The following JADE1 variants were observed in gnomAD, a reference collection of about 807,000 sequenced individuals.
JADE1 encodes the protein protein Jade-1.
A neutral mutation model predicts 81.8 loss-of-function variants in JADE1; 14 were observed. The ratio of observed to expected loss-of-function variants is 0.17; its 90% CI spans 0.11 to 0.27. JADE1 has a LOEUF of 0.27. JADE1 is among the 10% of genes least tolerant of loss of function. The pLI is 1.00. For synonymous variants in JADE1, 353 were observed against 391.9 expected (o/e 0.90, Z 1.17); for missense variants, 690 against 1,047.9 (o/e 0.66, Z 4.71).
chr4:128,825,051 T>G (rs976041115), intron 1 of JADE1, among the ~76,000 whole-genome samples: 4 of 152,188 alleles, frequency 2.6e-5, no homozygotes, highest in African/African-American at 9.7e-5. Flanking sequence ...TTTTTGTTTC[T>G]TTTTTCGAGA....
chr4:128,850,135 A>G (rs1260482107), intron 5 of JADE1, among the ~76,000 whole-genome samples: 1 of 151,774 alleles, frequency 6.6e-6, no homozygotes, highest in African/African-American at 2.4e-5. Flanking sequence ...CTCTACTAAA[A>G]ATACAAAAAT....
chr4:128,853,326 C>G (rs1730525854), intron 6 of JADE1, among the ~76,000 whole-genome samples: 1 of 152,192 alleles, frequency 6.6e-6, no homozygotes, highest in South Asian at 2.1e-4. Context: ...GTTAGGACTT[C>G]AACATGTCTT....
intron 7 of JADE1, 31 bp downstream of exon 7, chr4:128,855,828 C>CT (rs76983300): frequency 0.58 from 873,861 of 1,509,898 alleles, 258,712 homozygotes; most frequent in East Asian, 0.65. Context: ...GTTGTTTTTA[C>CT]TTTTTTTTAA....
intron 1 of JADE1, among the ~76,000 whole-genome samples, chr4:128,817,299 C>CTGAG (rs10529563): frequency 0.77 from 116,565 of 151,634 alleles, 46,013 homozygotes; most frequent in South Asian, 0.93. Flanking sequence ...CCCTGGCTTC[C>CTGAG]TAACTGCGAT....
At chr4:128,858,008 G>C (rs1579215373) in intron 8 of JADE1, among the ~76,000 whole-genome samples, 1 of 152,296 alleles carries the variant, frequency 6.6e-6, no homozygotes, top group East Asian at 1.9e-4. Flanking sequence ...AGGGGCATCT[G>C]TGAGGAGTTC....
chr4:128,867,239 A>G (rs1167053734), intron 9 of JADE1, among the ~76,000 whole-genome samples: 2 of 152,236 alleles, frequency 1.3e-5, no homozygotes, highest in African/African-American at 4.8e-5. Context: ...ATAGCAACAC[A>G]TAAGCTACCT....
chr4:128,821,476 A>T (rs1322105986), intron 1 of JADE1, among the ~76,000 whole-genome samples: 1 of 148,600 alleles, frequency 6.7e-6, no homozygotes, highest in Non-Finnish European at 1.5e-5. Context: ...ATGGATAAGG[A>T]GTTGAAATGG....
intron 2 of JADE1, among the ~76,000 whole-genome samples, chr4:128,832,220 T>C (rs1728617878): frequency 1.3e-5 from 2 of 152,280 alleles, no homozygotes; most frequent in Non-Finnish European, 1.5e-5. Flanking sequence ...GTGAAAATTA[T>C]TAAGTACAGG....
chr4:128,862,181 A>T lies in JADE1; in HGVS notation c.1459A>T (p.Arg487Trp). Residue 487 changes from arginine to tryptophan, a missense_variant, in exon 9 of 11, where the codon AGG becomes TGG. This residue lies in a region of JADE1 where 63 missense variants were observed against 138.4 expected (regional missense o/e 0.46). Transcript: ENST00000226319. ...LAKREQDVLF[R>W]RLQLFTHLRQ... ...CAAGCGGGAGCAGGATGTCTTATTT[A>T]GGAGGCTGCAGCTGTTCACGCACCT... The T allele has an allele frequency of 6.2e-7, 1 of 1,614,214 alleles. No individual in the cohort carries two copies. Among genetic ancestry groups the T allele is most frequent in the Non-Finnish European group, 8.5e-7 (1 of 1,180,028 alleles).
intron 9 of JADE1, chr4:128,864,681 G>C: frequency 1.2e-6 from 1 of 816,716 alleles, no homozygotes; most frequent in Non-Finnish European, 1.5e-6. Context: ...CACAATATCA[G>C]TTTATAGCAG....
At chr4:128,848,324 G>A (rs564271150) in intron 4 of JADE1, among the ~76,000 whole-genome samples, 19 of 152,172 alleles carry the variant, frequency 1.2e-4, no homozygotes, top group African/African-American at 2.4e-4. Flanking sequence ...GGTTACAGGC[G>A]TGTGCCATCA....
Position 128,852,517 on chromosome 4 carries a change from C to T in JADE1, c.696+249C>T, listed in dbSNP as rs984861735. ...TCGTCTTTCTTCACAGTGTTTTATT[C>T]TTATCCATAAAAGTCAAGTTTACTT... On this transcript the variant is annotated intron_variant, in intron 6 of 10. Transcript: ENST00000226319. 3.3e-5 allele frequency among the ~76,000 whole-genome samples: 5 copies of T among 152,186 alleles called. No individual in the cohort carries two copies. In the East Asian group the frequency reaches 9.6e-4, roughly 29 times the overall value.
At chr4:128,816,883 C>CTT (rs765406971) in intron 1 of JADE1, among the ~76,000 whole-genome samples, 1 of 144,714 alleles carries the variant, frequency 6.9e-6, no homozygotes. Context: ...TTTTCTCTCT[C>CTT]TTTTTTTTTT....
At chr4:128,814,064 T>G (rs1396496375) in intron 1 of JADE1, among the ~76,000 whole-genome samples, 1 of 151,814 alleles carries the variant, frequency 6.6e-6, no homozygotes, top group Non-Finnish European at 1.5e-5. Flanking sequence ...AAACCCACCT[T>G]CTTAGTTCTC....
chr4:128,829,293 T>TATGC lies in JADE1; in HGVS notation c.-26-2439_-26-2436dup, dbSNP rs540898251. Among the ~76,000 whole-genome samples the TATGC allele has an allele frequency of 4.3e-4, 65 of 152,312 alleles. 3 individuals are homozygous for TATGC. The South Asian group carries it at 0.013, about 31-fold the overall frequency. Reference sequence around the variant, plus strand: ...GATGGAGTGGGTTTTAGGACTTGACTATGCCTACAGCATGAAACCCCAGCT... The same window carrying TATGC: ...GATGGAGTGGGTTTTAGGACTTGACTATGCATGCCTACAGCATGAAACCCCAGCT... On this transcript the variant is annotated intron_variant, in intron 1 of 10. Transcript: ENST00000226319.
Position 128,862,210 on chromosome 4 carries a change from G to T in JADE1, c.1488G>T (p.Arg496=). 6.2e-7 allele frequency: 1 copy of T among 1,614,204 alleles called. No individual in the cohort carries two copies. Among genetic ancestry groups the T allele is most frequent in the Non-Finnish European group, 8.5e-7 (1 of 1,180,026 alleles). Residue 496 remains arginine, a synonymous_variant, in exon 9 of 11, where the codon CGG becomes CGT. Transcript: ENST00000226319. ...FRRLQLFTHL[R]QDLERVRNLT... is the part of the protein sequence containing the mutation. ...GGCTGCAGCTGTTCACGCACCTGCGGCAGGACCTGGAGAGGGTAATGATTG... is the reference window on the plus strand; with the variant it reads ...GGCTGCAGCTGTTCACGCACCTGCGTCAGGACCTGGAGAGGGTAATGATTG...
At chr4:128,822,884 G>T (rs78815806) in intron 1 of JADE1, among the ~76,000 whole-genome samples, 3,331 of 152,164 alleles carry the variant, frequency 0.022, 100 homozygotes, top group African/African-American at 0.072. Flanking sequence ...AATTGCTGTA[G>T]GTATTTTCTC....
chr4:128,810,645 C>G (rs1726264138), intron 1 of JADE1, among the ~76,000 whole-genome samples: 1 of 145,492 alleles, frequency 6.9e-6, no homozygotes, highest in Non-Finnish European at 1.5e-5. Flanking sequence ...GTAGGTACAT[C>G]TGTGTGTGGT....
chr4:128,832,913 G>C (rs1376949181), intron 2 of JADE1, among the ~76,000 whole-genome samples: 3 of 152,140 alleles, frequency 2.0e-5, no homozygotes, highest in South Asian at 4.1e-4. Flanking sequence ...GTGGTATTTC[G>C]GTTGGTGTGC....
Sources: gnomAD v4.1 joint callset for allele counts (sites outside exome capture counted in the v4.1 genomes callset) on GRCh38, gnomAD v4.1.1 for gene constraint, gnomAD v4.1.1 regional missense constraint, MANE v1.5 for transcripts, NCBI Gene and HGNC (gene_info 2026-07-23, HGNC 2026-07-21) for gene names.